The following MDGA2 variants were observed in gnomAD, a reference collection of about 807,000 sequenced individuals.
MDGA2 encodes the protein MAM domain containing glycosylphosphatidylinositol anchor 2.
MDGA2 carries 40 observed loss-of-function variants against 117.8 expected under a neutral mutation model. The observed-to-expected ratio is 0.34, with a 90% CI of 0.26 to 0.44. The LOEUF (loss-of-function observed/expected upper bound fraction) is 0.44, where lower values mean the gene tolerates loss of function less well. Ranked by LOEUF, MDGA2 falls within the 20% of genes least tolerant of loss-of-function variation. The pLI is 1.00. For synonymous variants in MDGA2, 452 were observed against 439.0 expected, an observed-to-expected ratio of 1.03 and a Z score of -0.37; for missense variants, 1,123 against 1,250.6, an observed-to-expected ratio of 0.90 and a Z score of 1.54.
chr14:47,385,808 C>G (rs192390156), intron 1 of MDGA2, among the ~76,000 whole-genome samples: 1 of 152,172 alleles, frequency 6.6e-6, no homozygotes, highest in East Asian at 1.9e-4. Context: ...TAAGGAAAGT[C>G]GGTGATGATA....
At chr14:47,040,058 T>G (rs896740263) in intron 7 of MDGA2, among the ~76,000 whole-genome samples, 2 of 152,252 alleles carry the variant, frequency 1.3e-5, no homozygotes, top group Non-Finnish European at 1.5e-5. Flanking sequence ...TTAAAAAAAT[T>G]TTCAATGAAT....
chr14:47,205,440 T>C (rs1885649487), intron 3 of MDGA2, among the ~76,000 whole-genome samples: 1 of 152,028 alleles, frequency 6.6e-6, no homozygotes, highest in Non-Finnish European at 1.5e-5. Flanking sequence ...AAAATGTTTA[T>C]TGGTACATTA....
In MDGA2 at chr14:47,444,974, T is replaced by C. The variant is rs1893091793; in HGVS notation, c.281-143424A>G. 2.0e-5 allele frequency among the ~76,000 whole-genome samples: 3 copies of C among 152,196 alleles called. No homozygotes were observed. The South Asian group carries it at 6.2e-4, about 31-fold the overall frequency. On this transcript the variant is annotated intron_variant, in intron 1 of 16. Transcript: ENST00000399232. ...CAAAGTATTATGAAATGTACAATGA[T>C]GCATTTGAGAAAATTAATAAGTCAG...
At chr14:46,933,880 C>G (rs1884682040) in intron 9 of MDGA2, among the ~76,000 whole-genome samples, 1 of 110,610 alleles carries the variant, frequency 9.0e-6, no homozygotes. Flanking sequence ...AAAATAAATT[C>G]CTGCATTTAA....
chr14:47,390,888 T>C (rs542706864), intron 1 of MDGA2, among the ~76,000 whole-genome samples: 2 of 152,292 alleles, frequency 1.3e-5, no homozygotes, highest in African/African-American at 4.8e-5. Context: ...CTTGGCTGAA[T>C]TCTTTTCCTA....
chr14:47,236,034 T>G (rs1056626860), intron 2 of MDGA2, among the ~76,000 whole-genome samples: 9 of 152,104 alleles, frequency 5.9e-5, no homozygotes, highest in African/African-American at 1.9e-4. Flanking sequence ...CTGTGGGGCC[T>G]GTAATCCCAG....
At chr14:47,088,550 C>T (rs1289851394) in intron 6 of MDGA2, among the ~76,000 whole-genome samples, 1 of 152,140 alleles carries the variant, frequency 6.6e-6, no homozygotes, top group African/African-American at 2.4e-5. Context: ...GGAAGAACTA[C>T]ACTGGCCCAG....
chr14:47,647,104 T>C (rs1352442772), intron 1 of MDGA2, among the ~76,000 whole-genome samples: 2 of 152,206 alleles, frequency 1.3e-5, no homozygotes, highest in Non-Finnish European at 2.9e-5. Context: ...ATATGTCAAA[T>C]GTTCATAAAA....
chr14:47,192,856 T>C (rs1340696325), intron 3 of MDGA2, among the ~76,000 whole-genome samples: 4 of 152,190 alleles, frequency 2.6e-5, no homozygotes, highest in African/African-American at 7.2e-5. Context: ...GGGTGTCTTC[T>C]AACCAGTCAT....
chr14:46,988,973 A>G (rs1203865265), intron 8 of MDGA2, among the ~76,000 whole-genome samples: 1 of 152,030 alleles, frequency 6.6e-6, no homozygotes, highest in Non-Finnish European at 1.5e-5. Context: ...CCTTCATTTT[A>G]AAGAAAGCAT....
intron 7 of MDGA2, among the ~76,000 whole-genome samples, chr14:47,055,753 T>C (rs1291297413): frequency 6.6e-6 from 1 of 152,140 alleles, no homozygotes; most frequent in Non-Finnish European, 1.5e-5. Context: ...TAAAGTATTA[T>C]TGGAACACAG....
chr14:47,073,459 T>C (rs1229317463), intron 6 of MDGA2, among the ~76,000 whole-genome samples: 1 of 152,222 alleles, frequency 6.6e-6, no homozygotes, highest in East Asian at 1.9e-4. Context: ...CTGAGTATGC[T>C]AGTTCCAACA....
At chr14:46,874,748 G>C (rs1882155513) in intron 12 of MDGA2, among the ~76,000 whole-genome samples, 1 of 151,582 alleles carries the variant, frequency 6.6e-6, no homozygotes, top group Non-Finnish European at 1.5e-5. Context: ...ATCTGAATGT[G>C]GGTTTCCCAG....
chr14:47,279,238 G>A (rs1177567858), intron 2 of MDGA2, among the ~76,000 whole-genome samples: 1 of 152,080 alleles, frequency 6.6e-6, no homozygotes, highest in Non-Finnish European at 1.5e-5. Context: ...CATACTGATA[G>A]AGTATATTAT....
chr14:46,909,548 C>T (rs550062994), intron 10 of MDGA2, among the ~76,000 whole-genome samples: 2 of 152,108 alleles, frequency 1.3e-5, no homozygotes, highest in South Asian at 4.2e-4. Context: ...AATTTTATAT[C>T]AACACATAGA....
chr14:47,273,162 C>A (rs777104774), intron 2 of MDGA2, among the ~76,000 whole-genome samples: 1 of 152,096 alleles, frequency 6.6e-6, no homozygotes, highest in Admixed American at 6.6e-5. Context: ...TTTAAAAAAT[C>A]TTGCAAATCA....
chr14:47,623,805 T>G (rs1490575709), intron 1 of MDGA2, among the ~76,000 whole-genome samples: 1 of 152,232 alleles, frequency 6.6e-6, no homozygotes, highest in Non-Finnish European at 1.5e-5. Context: ...ACCCCTTTGA[T>G]GTGTGCCACT....
intron 1 of MDGA2, among the ~76,000 whole-genome samples, chr14:47,360,711 C>T (rs1891101642): frequency 6.6e-6 from 1 of 152,076 alleles, no homozygotes; most frequent in African/African-American, 2.4e-5. Flanking sequence ...ACCCAGCAAT[C>T]CCTCTGTAGA....
intron 3 of MDGA2, among the ~76,000 whole-genome samples, chr14:47,184,585 C>T (rs1884838287): frequency 6.6e-6 from 1 of 151,788 alleles, no homozygotes; most frequent in Non-Finnish European, 1.5e-5. Context: ...GGAAGTTTTG[C>T]TATTTGATAC....
Sources: gnomAD v4.1 joint callset for allele counts (sites outside exome capture counted in the v4.1 genomes callset) on GRCh38, gnomAD v4.1.1 for gene constraint, MANE v1.5 for transcripts, NCBI Gene and HGNC (gene_info 2026-07-23, HGNC 2026-07-21) for gene names.